Variants in PAQR5 observed in about 807,000 individuals in gnomAD.
PAQR5 encodes membrane progestin receptor gamma.
In PAQR5, 20 loss-of-function variants were observed where a neutral mutation model predicts 34.5. The ratio of observed to expected loss-of-function variants is 0.58; its 90% CI spans 0.41 to 0.84. PAQR5 has a LOEUF of 0.84. PAQR5 is among the 40% of genes least tolerant of loss of function. The probability of loss-of-function intolerance (pLI) is 0.00; values close to 1 mark genes in which losing one functional copy is unlikely to be tolerated. For missense variants in PAQR5, 378 were observed against 412.7 expected, an observed-to-expected ratio of 0.92 and a Z score of 0.73; for synonymous variants, 131 against 155.6, an observed-to-expected ratio of 0.84 and a Z score of 1.18.
chr15:69,320,223 G>A (rs539602162), intron 1 of PAQR5, among the ~76,000 whole-genome samples: 1 of 152,368 alleles, frequency 6.6e-6, no homozygotes, highest in South Asian at 2.1e-4. Context: ...ACGATCCCAG[G>A]CTGGCGTTTG....
chr15:69,345,294 T>G (rs971108251), intron 2 of PAQR5, among the ~76,000 whole-genome samples: 1 of 152,202 alleles, frequency 6.6e-6, no homozygotes, highest in Admixed American at 6.5e-5. Flanking sequence ...TTAGTTTATT[T>G]GCATTACTGG....
At chr15:69,300,993 T>TTCTTTC (rs200417005) in intron 1 of PAQR5, among the ~76,000 whole-genome samples, 2 of 106,348 alleles carry the variant, frequency 1.9e-5, no homozygotes, top group African/African-American at 7.7e-5. Flanking sequence ...CTTTCTTTCT[T>TTCTTTC]TCTTTCTTTC....
intron 3 of PAQR5, 140 bp from the exon 4 acceptor site, chr15:69,379,743 T>G: frequency 3.3e-6 from 4 of 1,217,844 alleles, no homozygotes; most frequent in East Asian, 5.0e-5. Context: ...AAGGAGAGAG[T>G]GAGGGGAACA....
chr15:69,394,845 T>C (rs756459495), intron 6 of PAQR5, among the ~76,000 whole-genome samples: 108 of 152,396 alleles, frequency 7.1e-4, no homozygotes, highest in Non-Finnish European at 1.1e-3. Context: ...CCCGAGCTAC[T>C]GGCCCTTCTG....
At chr15:69,299,422 C>G (rs1207170703) in intron 1 of PAQR5, among the ~76,000 whole-genome samples, 1 of 152,226 alleles carries the variant, frequency 6.6e-6, no homozygotes, top group African/African-American at 2.4e-5. Context: ...GCCGCCCCCA[C>G]TTTAATAAAA....
intron 1 of PAQR5, among the ~76,000 whole-genome samples, chr15:69,313,615 G>A (rs933074283): frequency 2.0e-4 from 30 of 152,166 alleles, no homozygotes; most frequent in Non-Finnish European, 4.4e-5. Context: ...CAGACAGTAT[G>A]TCTAGAAAAG....
chr15:69,369,641 C>T (rs1030433679), intron 3 of PAQR5, among the ~76,000 whole-genome samples: 9 of 152,030 alleles, frequency 5.9e-5, no homozygotes, highest in African/African-American at 1.9e-4. Flanking sequence ...TATTTGTAAT[C>T]ACTTTAATTT....
intron 1 of PAQR5, among the ~76,000 whole-genome samples, chr15:69,334,533 C>T (rs1192149928): frequency 6.6e-6 from 1 of 152,096 alleles, no homozygotes; most frequent in Non-Finnish European, 1.5e-5. Context: ...GAGCCATGCC[C>T]GCCAGCTATG....
intron 1 of PAQR5, among the ~76,000 whole-genome samples, chr15:69,317,066 C>T (rs1285861635): frequency 5.9e-5 from 9 of 152,168 alleles, no homozygotes; most frequent in African/African-American, 1.4e-4. Flanking sequence ...GTGATCTGCC[C>T]GCCTCAGCCC....
chr15:69,302,455 G>A (rs188230925), intron 1 of PAQR5, among the ~76,000 whole-genome samples: 7 of 152,322 alleles, frequency 4.6e-5, no homozygotes, highest in Admixed American at 2.6e-4. Context: ...AGGATCAGTA[G>A]GAGGGAAGGA....
chr15:69,397,166 C>T, intron 6 of PAQR5: 1 of 477,114 alleles, frequency 2.1e-6, no homozygotes, highest in South Asian at 1.6e-5. Flanking sequence ...TTGGCAGTTA[C>T]ATAACTTGGC....
At chr15:69,393,026 A>G (rs908433066) in intron 6 of PAQR5, among the ~76,000 whole-genome samples, 2 of 151,818 alleles carry the variant, frequency 1.3e-5, no homozygotes, top group African/African-American at 4.8e-5. Context: ...AAAAAATCCT[A>G]CGCACTCAGC....
intron 5 of PAQR5, 81 bp downstream of exon 5, chr15:69,384,963 A>C: frequency 9.5e-7 from 1 of 1,049,216 alleles, no homozygotes. Context: ...GGTCACCAGA[A>C]GGCTTTGATG....
chr15:69,385,462 A>G lies in PAQR5; in HGVS notation c.385+580A>G, dbSNP rs2056079871. On this transcript the variant is annotated intron_variant, in intron 5 of 8. Transcript: ENST00000395407. The surrounding 1 kb of genome is among the most constrained non-coding windows in gnomAD (Gnocchi z 4.7). ...GTATATCCAGAGGCTTAGCACAATC[A>G]GAGAGATGCTCAGAGTGTGCGGGAA... Among the ~76,000 whole-genome samples the G allele has an allele frequency of 6.6e-6, 1 of 152,162 alleles. No individual in the cohort carries two copies. Among genetic ancestry groups the G allele is most frequent in the Non-Finnish European group, 1.5e-5 (1 of 68,034 alleles).
intron 8 of PAQR5, among the ~76,000 whole-genome samples, chr15:69,402,771 T>C (rs1363304372): frequency 6.6e-6 from 1 of 152,236 alleles, no homozygotes; most frequent in Non-Finnish European, 1.5e-5. Flanking sequence ...AGGGACATCA[T>C]TCAGCCCATA....
intron 3 of PAQR5, among the ~76,000 whole-genome samples, chr15:69,363,205 G>A (rs2055287675): frequency 6.6e-6 from 1 of 152,218 alleles, no homozygotes; most frequent in South Asian, 2.1e-4. Flanking sequence ...CATCAGAGTT[G>A]TAATCCTGGT....
chr15:69,393,724 C>T (rs749399565), intron 6 of PAQR5, among the ~76,000 whole-genome samples: 2 of 152,140 alleles, frequency 1.3e-5, no homozygotes, highest in Non-Finnish European at 2.9e-5. Flanking sequence ...ATTTGCTTGA[C>T]AGTTATCTGA....
Position 69,379,988 on chromosome 15 carries a change from T to C in PAQR5, c.157T>C (p.Trp53Arg), listed in dbSNP as rs1167472426. 1 of 1,614,210 alleles carries C rather than the reference T, an allele frequency of 6.2e-7. No homozygotes were observed. The highest frequency in any genetic ancestry group is 8.5e-7 in the Non-Finnish European group (1 of 1,180,026). ...AATGACCAATGAGACTCTCAACATT[T>C]GGACTCACTTGCTGCCCTTCTGGTA... is the stretch of plus-strand genomic sequence containing the variant. ...FQMTNETLNI[W>R]THLLPFWFFA... The change falls in exon 4 of 9, where the codon TGG (tryptophan) becomes CGG (arginine). Residue 53 changes from tryptophan (W) to arginine (R), a missense_variant. Trp to Arg is a moderately radical substitution (Grantham distance 101). Transcript: ENST00000395407.
At chr15:69,341,353 C>CTTTTTTT (rs370642387) in intron 2 of PAQR5, among the ~76,000 whole-genome samples, 5 of 117,714 alleles carry the variant, frequency 4.2e-5, no homozygotes, top group Non-Finnish European at 6.6e-5. Flanking sequence ...AATTCTATTC[C>CTTTTTTT]TTTTTTTTTT....
Sources: allele counts gnomAD v4.1 joint callset (sites outside exome capture counted in the v4.1 genomes callset), GRCh38; gene constraint gnomAD v4.1.1; non-coding constraint Gnocchi (gnomAD v3.1); transcripts MANE v1.5; gene names NCBI Gene and HGNC (gene_info 2026-07-23, HGNC 2026-07-21).